TENM2: variants seen among roughly 807,000 people sequenced by gnomAD.
The protein encoded by TENM2 is teneurin-2.
In TENM2, 52 loss-of-function variants were observed where a neutral mutation model predicts 245.2. That is an observed-to-expected ratio of 0.21 (90% confidence interval 0.17 to 0.27). The LOEUF (loss-of-function observed/expected upper bound fraction) is 0.27, where lower values mean the gene tolerates loss of function less well. Ranked by LOEUF, TENM2 falls within the 10% of genes least tolerant of loss-of-function variation. The pLI is 1.00. For missense variants in TENM2, 3,046 were observed against 3,666.8 expected (o/e 0.83, Z 4.37); for synonymous variants, 1,363 against 1,438.9 (o/e 0.95, Z 1.19).
chr5:167,327,427 G>A (rs111281772), intron 1 of TENM2, among the ~76,000 whole-genome samples: 2,252 of 152,312 alleles, frequency 0.015, 30 homozygotes, highest in Non-Finnish European at 0.02. Context: ...AATTGGGGAG[G>A]CAGGAATTAA....
At chr5:167,820,853 T>C (rs752749086) in intron 2 of TENM2, among the ~76,000 whole-genome samples, 4 of 152,058 alleles carry the variant, frequency 2.6e-5, no homozygotes, top group African/African-American at 4.8e-5. Flanking sequence ...AAAGTGTGCA[T>C]TGGGAGAGGG....
chr5:167,209,174 C>T, the TENM2 span, among the ~76,000 whole-genome samples: 11 of 152,234 alleles, frequency 7.2e-5, no homozygotes, highest in East Asian at 1.5e-3. Flanking sequence ...TACTTCATAT[C>T]GCTACTGTGA....
the TENM2 span, among the ~76,000 whole-genome samples, chr5:167,039,923 CAT>C: frequency 1.1e-4 from 17 of 152,162 alleles, no homozygotes; most frequent in African/African-American, 4.1e-4. Flanking sequence ...TGTTTGAAGA[CAT>C]GGCTGCATTG....
At chr5:167,937,697 C>T (rs1334068715) in intron 3 of TENM2, 2 of 152,028 alleles carry the variant, frequency 1.3e-5, no homozygotes, top group Non-Finnish European at 2.9e-5. Flanking sequence ...TTTCTCAATT[C>T]TGTTTGTGGT....
At chr5:167,551,421 A>T (rs1037339393) in intron 2 of TENM2, among the ~76,000 whole-genome samples, 1 of 152,100 alleles carries the variant, frequency 6.6e-6, no homozygotes. Flanking sequence ...CCGCTCATCT[A>T]TCTATCTATC....
At chr5:167,893,978 T>A (rs1270955365) in intron 3 of TENM2, among the ~76,000 whole-genome samples, 1 of 152,172 alleles carries the variant, frequency 6.6e-6, no homozygotes, top group Non-Finnish European at 1.5e-5. Context: ...AAAGATACAG[T>A]CCCATTATGA....
At chr5:168,143,843 C>CTTTTTTTT (rs70976464) in intron 12 of TENM2, among the ~76,000 whole-genome samples, 4 of 102,716 alleles carry the variant, frequency 3.9e-5, no homozygotes, top group Admixed American at 1.2e-4. Flanking sequence ...TACTACACTT[C>CTTTTTTTT]TTTTTTTTTT....
exon 19 of TENM2, chr5:168,204,587 C>T: frequency 6.2e-7 from 1 of 1,614,008 alleles, no homozygotes; most frequent in Non-Finnish European, 8.5e-7. Flanking sequence ...ACGCATCTTT[C>T]CCTCTCGAAA....
chr5:168,085,369 C>T (rs888334104), intron 7 of TENM2: 9 of 152,196 alleles, frequency 5.9e-5, no homozygotes, highest in Non-Finnish European at 1.0e-4. Flanking sequence ...CTGCTTGATT[C>T]TTGCCTGTGG....
intron 2 of TENM2, among the ~76,000 whole-genome samples, chr5:167,813,865 A>C (rs1766831719): frequency 2.0e-5 from 3 of 152,148 alleles, no homozygotes; most frequent in African/African-American, 7.2e-5. Context: ...CATCCTACAT[A>C]TTACAATGCA....
intron 22 of TENM2, among the ~76,000 whole-genome samples, chr5:168,217,842 C>T (rs906589798): frequency 3.9e-5 from 6 of 152,142 alleles, no homozygotes; most frequent in African/African-American, 1.4e-4. Flanking sequence ...GATGCTGGTC[C>T]AGCCATCTGG....
chr5:168,147,487 T>C (rs2152417017), intron 12 of TENM2, among the ~76,000 whole-genome samples: 1 of 152,338 alleles, frequency 6.6e-6, no homozygotes, highest in Admixed American at 6.5e-5. Flanking sequence ...CTACTTATCC[T>C]ATACCTATGA....
At chr5:168,197,304 G>A (rs562786145) in intron 15 of TENM2, among the ~76,000 whole-genome samples, 62 of 152,244 alleles carry the variant, frequency 4.1e-4, no homozygotes, top group African/African-American at 1.4e-3. Flanking sequence ...TGAAACCAGC[G>A]AGTCAAGTAT....
At chr5:167,663,495 A>G (rs565512078) in intron 2 of TENM2, among the ~76,000 whole-genome samples, 2 of 152,208 alleles carry the variant, frequency 1.3e-5, no homozygotes, top group East Asian at 3.9e-4. Context: ...CTCAGTACTA[A>G]GATTCTTATT....
intron 27 of TENM2, among the ~76,000 whole-genome samples, chr5:168,256,216 CTATATGTATATATATGTG>C (rs1767643720): frequency 6.6e-6 from 1 of 150,954 alleles, no homozygotes; most frequent in African/African-American, 2.4e-5. Context: ...ATATATATGT[CTATATGTATATATATGTG>C]TATATATATG....
intron 2 of TENM2, among the ~76,000 whole-genome samples, chr5:167,823,375 C>T (rs776699358): frequency 1.3e-5 from 2 of 152,042 alleles, no homozygotes; most frequent in Non-Finnish European, 2.9e-5. Flanking sequence ...TACATGTGTA[C>T]CCACCCACAC....
chr5:168,103,625 T>C (rs907385396), intron 9 of TENM2, among the ~76,000 whole-genome samples: 1 of 152,226 alleles, frequency 6.6e-6, no homozygotes, highest in African/African-American at 2.4e-5. Flanking sequence ...CAAGATGCTA[T>C]GCCCTCCTCA....
At chr5:167,664,715 A>C (rs1261925702) in intron 2 of TENM2, among the ~76,000 whole-genome samples, 3 of 152,228 alleles carry the variant, frequency 2.0e-5, no homozygotes, top group African/African-American at 7.2e-5. Flanking sequence ...AAAAAGTCAT[A>C]TGAGCTAAGA....
chr5:166,980,680 A>G, the TENM2 span, among the ~76,000 whole-genome samples: 1 of 152,170 alleles, frequency 6.6e-6, no homozygotes, highest in African/African-American at 2.4e-5. Flanking sequence ...ATAGTTGTAA[A>G]ATTTCTGCTA....
Sources: allele counts gnomAD v4.1 joint callset (sites outside exome capture counted in the v4.1 genomes callset), GRCh38; gene constraint gnomAD v4.1.1; transcripts MANE v1.5; gene names NCBI Gene and HGNC (gene_info 2026-07-23, HGNC 2026-07-21).